Variants in RBFOX1 observed in about 807,000 individuals in gnomAD.
The protein encoded by RBFOX1 is RNA binding protein fox-1 homolog 1.
A neutral mutation model predicts 57.7 loss-of-function variants in RBFOX1; 8 were observed. The ratio of observed to expected loss-of-function variants is 0.14; its 90% CI spans 0.08 to 0.25. RBFOX1 has a LOEUF of 0.25. Among genes scored for constraint, RBFOX1 ranks in the 10% least tolerant of loss-of-function variants. The probability of loss-of-function intolerance (pLI) is 1.00; values close to 1 mark genes in which losing one functional copy is unlikely to be tolerated. For missense variants in RBFOX1, 611 were observed against 548.5 expected, an observed-to-expected ratio of 1.11 and a Z score of -1.14; for synonymous variants, 326 against 222.4, an observed-to-expected ratio of 1.47 and a Z score of -4.15.
intron 2 of RBFOX1, among the ~76,000 whole-genome samples, chr16:5,511,226 A>G (rs2043577976): frequency 2.0e-5 from 3 of 152,208 alleles, no homozygotes; most frequent in South Asian, 4.1e-4. Flanking sequence ...AGCATTTTAA[A>G]CAATGGCTTG....
intron 1 of RBFOX1, among the ~76,000 whole-genome samples, chr16:5,421,097 C>A (rs1258538586): frequency 6.6e-6 from 1 of 151,862 alleles, no homozygotes; most frequent in Non-Finnish European, 1.5e-5. Context: ...GCGTCCGCCT[C>A]CTAGCTTTAA....
At chr16:6,167,421 C>T (rs916021570) in intron 1 of RBFOX1, among the ~76,000 whole-genome samples, 2 of 152,158 alleles carry the variant, frequency 1.3e-5, no homozygotes, top group African/African-American at 4.8e-5. Flanking sequence ...TAAGTGCTAA[C>T]GGTAGCTCCT....
At chr16:7,543,711 G>A (rs1402104572) in intron 5 of RBFOX1, among the ~76,000 whole-genome samples, 1 of 57,264 alleles carries the variant, frequency 1.7e-5, no homozygotes, top group African/African-American at 7.4e-5. Flanking sequence ...GTGTGTGTGT[G>A]TGTGTGTGTT....
At chr16:5,959,890 A>G (rs956879548) in intron 4 of RBFOX1, among the ~76,000 whole-genome samples, 1 of 152,178 alleles carries the variant, frequency 6.6e-6, no homozygotes, top group East Asian at 1.9e-4. Flanking sequence ...CCAGCTACCA[A>G]CAAGTGTTTT....
chr16:5,424,935 C>CTT lies in RBFOX1; in HGVS notation c.220-42280_220-42279insTT, dbSNP rs1421644138. On this transcript the variant is annotated intron_variant, in intron 1 of 2. Transcript: ENST00000585867. ...TCTTTCTTTCTTTCTTTCTTTCTTTCTCTCTCTTCTTTCTTCCTTTGTTTC... is the reference window on the plus strand; with the variant it reads ...TCTTTCTTTCTTTCTTTCTTTCTTTCTTTCTCTCTTCTTTCTTCCTTTGTTTC... Among the ~76,000 whole-genome samples the CTT allele has an allele frequency of 6.3e-5, 4 of 63,990 alleles. No individual in the cohort carries two copies. In the East Asian group the frequency reaches 1.3e-3, roughly 21 times the overall value. 42.0% of individuals were successfully genotyped at this position (63,990 alleles called of 152,430 possible). A position where few individuals can be genotyped will look rare whatever the true frequency, so the allele number is the denominator to read the frequency against.
At chr16:7,399,179 A>G (rs939176966) in intron 4 of RBFOX1, among the ~76,000 whole-genome samples, 1 of 152,238 alleles carries the variant, frequency 6.6e-6, no homozygotes, top group Non-Finnish European at 1.5e-5. Context: ...CAGGTGCGGT[A>G]GCTCACGCCT....
chr16:7,652,638 C>G (rs2065322843), intron 11 of RBFOX1, among the ~76,000 whole-genome samples: 1 of 152,128 alleles, frequency 6.6e-6, no homozygotes, highest in Non-Finnish European at 1.5e-5. Context: ...GAACTCCTGA[C>G]CTCATGATCC....
chr16:6,273,425 A>G (rs1385851352), intron 1 of RBFOX1, among the ~76,000 whole-genome samples: 3 of 143,668 alleles, frequency 2.1e-5, no homozygotes, highest in Admixed American at 1.4e-4. Flanking sequence ...ACTCACTGCA[A>G]CCTCTGCCTC....
intron 5 of RBFOX1, among the ~76,000 whole-genome samples, chr16:7,549,727 C>T: frequency 6.6e-6 from 1 of 152,036 alleles, no homozygotes; most frequent in Middle Eastern, 3.2e-3. Context: ...CCTTCTTCTG[C>T]CTGCCTTTAT....
chr16:5,761,340 G>T (rs1484227679), intron 3 of RBFOX1, among the ~76,000 whole-genome samples: 1 of 152,224 alleles, frequency 6.6e-6, no homozygotes, highest in African/African-American at 2.4e-5. Context: ...CAAAGAGATA[G>T]ATCTGGCCTT....
chr16:6,515,271 C>G (rs79835679), intron 2 of RBFOX1, among the ~76,000 whole-genome samples: 1 of 152,182 alleles, frequency 6.6e-6, no homozygotes, highest in African/African-American at 2.4e-5. Context: ...CTGTATTCTT[C>G]CTCTCCTGAC....
intron 3 of RBFOX1, among the ~76,000 whole-genome samples, chr16:5,790,447 T>C (rs970953533): frequency 1.4e-5 from 2 of 143,190 alleles, no homozygotes; most frequent in African/African-American, 5.4e-5. Context: ...AAACAGGAGC[T>C]CAAAGGAAGA....
chr16:5,480,592 A>G (rs1014286104), intron 2 of RBFOX1, among the ~76,000 whole-genome samples: 1 of 152,316 alleles, frequency 6.6e-6, no homozygotes, highest in African/African-American at 2.4e-5. Context: ...TTAGTTCCCA[A>G]TGGCTTTCTT....
intron 1 of RBFOX1, among the ~76,000 whole-genome samples, chr16:5,250,363 A>G (rs1189882958): frequency 6.6e-6 from 1 of 152,046 alleles, no homozygotes; most frequent in African/African-American, 2.4e-5. Context: ...CTATCAACCC[A>G]TCATCTAGGT....
chr16:5,933,295 C>G (rs1004256510), intron 4 of RBFOX1, among the ~76,000 whole-genome samples: 2 of 152,152 alleles, frequency 1.3e-5, no homozygotes, highest in Non-Finnish European at 2.9e-5. Context: ...CAAACCAAGT[C>G]AAGGGGAGTC....
intron 4 of RBFOX1, among the ~76,000 whole-genome samples, chr16:5,989,840 C>G (rs1007067325): frequency 2.4e-5 from 1 of 42,492 alleles, no homozygotes; most frequent in Non-Finnish European, 5.2e-5. Flanking sequence ...AGTAACACCC[C>G]CTAACACACA....
rs112995950 is a variant in RBFOX1, at chr16:7,120,178, G to T, written c.27+68080G>T. ...CATTTTACAAAATATATGGTGGGAA[G>T]CGAAAGCAGTGCTTAGAGGGAAATA... is the stretch of plus-strand genomic sequence containing the variant. On this transcript the variant is annotated intron_variant, in intron 4 of 15. Coordinates refer to ENST00000550418, the MANE Select transcript of RBFOX1 (RefSeq NM_018723.4). 7.9e-3 allele frequency among the ~76,000 whole-genome samples: 1,197 copies of T among 152,164 alleles called. 7 individuals carry two copies. Among genetic ancestry groups the T allele is most frequent in the African/African-American group, 0.028 (1,144 of 41,528 alleles).
chr16:6,849,087 C>T (rs1447002885), intron 3 of RBFOX1, among the ~76,000 whole-genome samples: 3 of 152,166 alleles, frequency 2.0e-5, no homozygotes, highest in African/African-American at 7.2e-5. Context: ...CTCAAGAGTG[C>T]ATGAGACGCT....
chr16:6,471,113 T>G (rs889768278), intron 2 of RBFOX1, among the ~76,000 whole-genome samples: 1 of 152,174 alleles, frequency 6.6e-6, no homozygotes, highest in African/African-American at 2.4e-5. Flanking sequence ...TGTGCCCCCT[T>G]TCCCTGCCTG....
Sources: gnomAD v4.1 joint callset for allele counts (sites outside exome capture counted in the v4.1 genomes callset) on GRCh38, gnomAD v4.1.1 for gene constraint, MANE v1.5 for transcripts, NCBI Gene and HGNC (gene_info 2026-07-23, HGNC 2026-07-21) for gene names.